Variants in FYB1 observed in about 807,000 individuals in gnomAD.
The protein encoded by FYB1 is FYN binding protein 1.
A neutral mutation model predicts 94.1 loss-of-function variants in FYB1; 41 were observed. The observed-to-expected ratio is 0.44, with a 90% confidence interval of 0.34 to 0.57. The LOEUF is 0.57. FYB1 is among the 20% of genes least tolerant of loss of function. FYB1 has a pLI of 0.02. For synonymous variants in FYB1, 367 were observed against 353.2 expected (o/e 1.04, Z -0.44); for missense variants, 1,050 against 976.8 (o/e 1.07, Z -1.00).
intron 1 of FYB1, among the ~76,000 whole-genome samples, chr5:39,205,447 G>A (rs1160079662): frequency 6.6e-6 from 1 of 152,132 alleles, no homozygotes; most frequent in Non-Finnish European, 1.5e-5. Flanking sequence ...ACACATTGGA[G>A]GATTTCTGAT....
chr5:39,134,245 C>T lies in FYB1; in HGVS notation c.1780G>A (p.Val594Ile). ...PSRPIEDDQE[V>I]YDDVAEQDDI... The stretch of plus-strand genomic sequence containing the variant: ...TCCTGCTCTGCAACATCATCATATA[C>T]TTCTTGGTCATCTTCAATAGGTCTT... Residue 594 changes from valine to isoleucine, a missense_variant, in exon 9 of 19, where the codon GTA becomes ATA. By Grantham distance (29) the Val-to-Ile change is conservative. Coordinates refer to ENST00000512982, the MANE Select transcript of FYB1 (RefSeq NM_001465.6). 1 of 1,612,762 alleles carries T rather than the reference C, an allele frequency of 6.2e-7. No homozygotes were observed. The highest frequency in any genetic ancestry group is 8.5e-7 in the Non-Finnish European group (1 of 1,179,000).
At position 39,190,527 on chromosome 5, in the gene FYB1, C is replaced by G. The variant is rs139053418; in HGVS notation, c.1135+11299G>C. ...GTACCTGGTTGCATGCCACTCAGCC[C>G]GAGAACAACTAATTTCTCCCCATGA... On this transcript the variant is annotated intron_variant, in intron 2 of 18. Coordinates refer to ENST00000512982, the MANE Select transcript of FYB1 (RefSeq NM_001465.6). Among the ~76,000 whole-genome samples, 15 of 152,104 alleles carry G rather than the reference C, an allele frequency of 9.9e-5. No homozygotes were observed. The Middle Eastern group carries it at 0.014, about 138-fold the overall frequency.
In FYB1 at chr5:39,151,291, A is replaced by G. The variant is rs73089170; in HGVS notation, c.1292+2157T>C. Among the ~76,000 whole-genome samples the G allele has an allele frequency of 1.9e-3, 294 of 152,024 alleles. 1 individual carries two copies. The highest frequency in any genetic ancestry group is 6.7e-3 in the African/African-American group (276 of 41,474). On this transcript the variant is annotated intron_variant, in intron 3 of 18. Coordinates refer to ENST00000512982, the MANE Select transcript of FYB1 (RefSeq NM_001465.6). ...CTAATACCATATTCTTTACCTGTTT[A>G]TTATTTATTTATTTTTGAGATAGGG...
chr5:39,197,847 A>C (rs572303809), intron 2 of FYB1, among the ~76,000 whole-genome samples: 1 of 152,218 alleles, frequency 6.6e-6, no homozygotes, highest in African/African-American at 2.4e-5. Flanking sequence ...ATCTGAGCGC[A>C]GAAATTTCAT....
At chr5:39,204,541 A>G (rs1177203843) in intron 1 of FYB1, among the ~76,000 whole-genome samples, 1 of 152,208 alleles carries the variant, frequency 6.6e-6, no homozygotes, top group Non-Finnish European at 1.5e-5. Flanking sequence ...GCTACCTAAC[A>G]GTTGTAGGAA....
intron 1 of FYB1, among the ~76,000 whole-genome samples, chr5:39,273,109 C>A (rs1752711516): frequency 6.6e-6 from 1 of 152,176 alleles, no homozygotes; most frequent in South Asian, 2.1e-4. Context: ...GTGAGGAGCC[C>A]CTCTGCCCGG....
chr5:39,118,202 C>A (rs1467413846), intron 16 of FYB1, among the ~76,000 whole-genome samples: 1 of 152,098 alleles, frequency 6.6e-6, no homozygotes, highest in Non-Finnish European at 1.5e-5. Flanking sequence ...CCGCACCTGG[C>A]CCCCATCTGT....
chr5:39,191,628 CAA>C (rs1747369118), intron 2 of FYB1, among the ~76,000 whole-genome samples: 2 of 152,172 alleles, frequency 1.3e-5, no homozygotes, highest in Admixed American at 1.3e-4. Context: ...GCAATTTAAA[CAA>C]AGAGACATAT....
intron 3 of FYB1, 49 bp from the exon 4 acceptor site, chr5:39,141,190 A>C: frequency 8.3e-7 from 1 of 1,198,392 alleles, no homozygotes; most frequent in Non-Finnish European, 1.2e-6. Flanking sequence ...GTAGATGCTC[A>C]CCTTACAATG....
Position 39,124,293 on chromosome 5 carries a change from AG to A in FYB1, c.2046-16del. On this transcript the variant is annotated splice_polypyrimidine_tract_variant and intron_variant, in intron 12 of 18. Coordinates refer to ENST00000512982, the MANE Select transcript of FYB1 (RefSeq NM_001465.6). ...GAGCAGGGAAACTACAAAGAAAGTGAGAACACAATTATAATCAGACTAACAT... is the reference window on the plus strand; with the variant it reads ...GAGCAGGGAAACTACAAAGAAAGTGAAACACAATTATAATCAGACTAACAT... 5 of 1,544,318 alleles carry A rather than the reference AG, an allele frequency of 3.2e-6. No individual in the cohort carries two copies. The highest frequency in any genetic ancestry group is 3.5e-6 in the Non-Finnish European group (4 of 1,144,842).
chr5:39,114,194 T>G (rs1387201164), intron 16 of FYB1, among the ~76,000 whole-genome samples: 1 of 152,158 alleles, frequency 6.6e-6, no homozygotes, highest in Non-Finnish European at 1.5e-5. Context: ...CTACATCTTT[T>G]GTAGAAAATT....
rs1197685519 is a variant in FYB1 at position 39,162,680 on chromosome 5, C to CA, written c.1136-9077dup. ...AGCCTGGGCAACAGAGACGCCATCT[C>CA]AAAAAAAAAAAGTTTTGGTAAGTAA... On this transcript the variant is annotated intron_variant, in intron 2 of 18. Coordinates refer to ENST00000512982, the MANE Select transcript of FYB1 (RefSeq NM_001465.6). Among the ~76,000 whole-genome samples the CA allele has an allele frequency of 3.5e-4, 48 of 137,768 alleles. No individual in the cohort carries two copies. The Middle Eastern group carries it at 0.012, about 34-fold the overall frequency. The allele number at this position is 137,768 out of a possible 152,430, so 90.4% of individuals were successfully genotyped here.
intron 2 of FYB1, among the ~76,000 whole-genome samples, chr5:39,175,206 C>T (rs1745611101): frequency 6.6e-6 from 1 of 152,168 alleles, no homozygotes; most frequent in African/African-American, 2.4e-5. Flanking sequence ...ACTACATTGG[C>T]TATTCAACCT....
At chr5:39,174,677 T>G (rs569017104) in intron 2 of FYB1, among the ~76,000 whole-genome samples, 45 of 152,318 alleles carry the variant, frequency 3.0e-4, no homozygotes, top group African/African-American at 1.1e-3. Flanking sequence ...TTTTTCTTCT[T>G]TAAGTCTGAA....
At chr5:39,191,328 C>A (rs944782412) in intron 2 of FYB1, among the ~76,000 whole-genome samples, 10 of 152,352 alleles carry the variant, frequency 6.6e-5, no homozygotes, top group African/African-American at 2.4e-4. Flanking sequence ...AACACACAGG[C>A]TCTGTTGCCA....
In FYB1 at chr5:39,226,288, C is replaced by G. The variant is rs1460444628; in HGVS notation, c.-27-23301G>C. Among the ~76,000 whole-genome samples, 3 of 152,204 alleles carry G rather than the reference C, an allele frequency of 2.0e-5. No homozygotes were observed. In the East Asian group the frequency reaches 5.8e-4, roughly 29 times the overall value. ...CTGCCTCTTTAACTGCAGTGGCTTC[C>G]GATAGAATTGTTCTGCCTCTAATCC... On this transcript the variant is annotated intron_variant, in intron 1 of 1. Transcript: ENST00000510188.
rs745584635 is a variant in FYB1 at position 39,202,646 on chromosome 5, C to G, written c.315G>C (p.Ala105=). The G allele has an allele frequency of 1.2e-5, 19 of 1,613,824 alleles. No homozygotes were observed. In the South Asian group the frequency reaches 1.9e-4, roughly 16 times the overall value. The change falls in exon 2 of 19, where the codon GCG becomes GCC. Residue 105 remains alanine (A), a synonymous_variant. Transcript: ENST00000512982. The stretch of plus-strand genomic sequence containing the variant: ...CTACAGGTTTCAGAAATCCCACTTT[C>G]GCCTCGGGGTCTCTGGTGGTCAAGC... ...PASLTTRDPE[A]KVGFLKPVGP...
At chr5:39,130,228 A>G (rs1176986954) in intron 10 of FYB1, among the ~76,000 whole-genome samples, 2 of 152,092 alleles carry the variant, frequency 1.3e-5, no homozygotes, top group Non-Finnish European at 2.9e-5. Context: ...TAGAGAGTAG[A>G]GTGATTGTTA....
In FYB1 at chr5:39,105,946, A is replaced by G. The variant is rs1760351750; in HGVS notation, c.*1497T>C. ...TTTCAAAGCACCTAATGGAAACCCC[A>G]CTTCATCTCTGTGAAGATTTTCAGT... On this transcript the variant is annotated 3_prime_UTR_variant, in exon 19 of 19. Transcript: ENST00000512982. 1 of 152,098 alleles carries G rather than the reference A, an allele frequency of 6.6e-6. No homozygotes were observed. The highest frequency in any genetic ancestry group is 2.4e-5 in the African/African-American group (1 of 41,414). 9.4% of individuals were successfully genotyped at this position (152,098 alleles called of 1,614,324 possible). A position where few individuals can be genotyped will look rare whatever the true frequency, so the allele number is the denominator to read the frequency against.
Sources: gnomAD v4.1 joint callset for allele counts (sites outside exome capture counted in the v4.1 genomes callset) on GRCh38, gnomAD v4.1.1 for gene constraint, MANE v1.5 for transcripts, NCBI Gene and HGNC (gene_info 2026-07-23, HGNC 2026-07-21) for gene names.